EDA: variants seen among roughly 807,000 people sequenced by gnomAD.
The protein encoded by EDA is ectodysplasin-A.
Under a neutral mutation model 23.6 loss-of-function variants are expected in EDA, and 2 were observed. The ratio of observed to expected loss-of-function variants is 0.08; its 90% CI spans 0.03 to 0.27. EDA has a LOEUF of 0.27. Among genes scored for constraint, EDA ranks in the 10% least tolerant of loss-of-function variants. The pLI is 1.00. For synonymous variants in EDA, 131 were observed against 132.0 expected, an observed-to-expected ratio of 0.99 and a Z score of 0.05; for missense variants, 229 against 324.2, an observed-to-expected ratio of 0.71 and a Z score of 2.26.
Position 70,035,535 on chromosome X carries a change from G to A in EDA, c.1102G>A (p.Asp368Asn), listed in dbSNP as rs1232926219. 1 of 1,209,245 alleles carries A rather than the reference G, an allele frequency of 8.3e-7. No individual in the cohort carries two copies. Among genetic ancestry groups the A allele is most frequent in the East Asian group, 3.0e-5 (1 of 33,754 alleles). ...GATCGCCGTCAAGATGGTGCACGCT[G>A]ACATCTCCATCAACATGAGCAAGCA... ...QKIAVKMVHA[D>N]ISINMSKHTT... The change falls in exon 8 of 8, where the codon GAC (aspartate) becomes AAC (asparagine). Residue 368 changes from aspartate (D) to asparagine (N), a missense_variant. By Grantham distance (23) the Asp-to-Asn change is conservative. Transcript: ENST00000374552.
intron 1 of EDA, among the ~76,000 whole-genome samples, chrX:69,736,293 G>A (rs1267821760): frequency 4.5e-5 from 5 of 110,778 alleles, no homozygotes; most frequent in East Asian, 5.8e-4. Flanking sequence ...CAACAAGAGC[G>A]AAACTCCGTC....
rs771661214 is a variant in EDA at position 69,981,393 on chromosome X, G to GT, written c.502+24268dup. On this transcript the variant is annotated intron_variant, in intron 2 of 7. Coordinates refer to ENST00000374552, the MANE Select transcript of EDA (RefSeq NM_001399.5). The stretch of plus-strand genomic sequence containing the variant: ...TGCATTGCAAACTTTTTTATTTTTT[G>GT]TTTTTTTCTCACTTTTAGCATCTTG... Among the ~76,000 whole-genome samples, 714 of 111,133 alleles carry GT rather than the reference G, an allele frequency of 6.4e-3. 1 individual carries two copies. Among genetic ancestry groups the GT allele is most frequent in the African/African-American group, 0.012 (363 of 30,616 alleles).
At chrX:69,964,943 G>A (rs764111778) in intron 2 of EDA, among the ~76,000 whole-genome samples, 1 of 111,998 alleles carries the variant, frequency 8.9e-6, no homozygotes, top group African/African-American at 3.2e-5. Flanking sequence ...CAAACTAGTT[G>A]TTAAATCAAT....
intron 1 of EDA, among the ~76,000 whole-genome samples, chrX:69,720,997 G>A (rs1336903908): frequency 8.0e-5 from 9 of 111,841 alleles, no homozygotes; most frequent in Non-Finnish European, 1.3e-4. Flanking sequence ...TTTTATTTTA[G>A]CAGTCACCTT....
At chrX:69,850,955 TC>T (rs778321033) in intron 1 of EDA, among the ~76,000 whole-genome samples, 1 of 112,195 alleles carries the variant, frequency 8.9e-6, no homozygotes, top group South Asian at 3.7e-4. Context: ...TATTTGTGCC[TC>T]CACTGCTTCC....
At chrX:69,973,994 A>T (rs1413167384) in intron 2 of EDA, among the ~76,000 whole-genome samples, 2 of 109,626 alleles carry the variant, frequency 1.8e-5, no homozygotes, top group African/African-American at 6.6e-5. Context: ...TAGCATAATA[A>T]CCTTTGTAAG....
chrX:69,900,253 C>T (rs1195750888), intron 1 of EDA, among the ~76,000 whole-genome samples: 2 of 109,013 alleles, frequency 1.8e-5, no homozygotes, highest in Non-Finnish European at 3.8e-5. Context: ...CAAATCCAAA[C>T]TCTACTACTG....
intron 1 of EDA, among the ~76,000 whole-genome samples, chrX:69,852,666 T>G (rs1355814086): frequency 9.0e-6 from 1 of 111,111 alleles, no homozygotes; most frequent in Non-Finnish European, 1.9e-5. Context: ...AGCCAAGATT[T>G]CCAAAGGGTC....
In EDA at chrX:70,035,643, C is replaced by T. The variant is rs73634805; in HGVS notation, c.*34C>T. On this transcript the variant is annotated 3_prime_UTR_variant, in exon 8 of 8. Coordinates refer to ENST00000374552, the MANE Select transcript of EDA (RefSeq NM_001399.5). ...CATTTTGCCTCTGTCCGTGCCCCTT[C>T]CCTGGGTTTGGGAGCCAGGACTCCC... is the stretch of plus-strand genomic sequence containing the variant. The T allele has an allele frequency of 7.8e-3, 9,403 of 1,199,972 alleles. 466 individuals are homozygous for T. The African/African-American group carries it at 0.15, about 19-fold the overall frequency.
At chrX:69,992,795 C>G (rs982336323) in intron 2 of EDA, among the ~76,000 whole-genome samples, 1 of 112,114 alleles carries the variant, frequency 8.9e-6, no homozygotes, top group African/African-American at 3.2e-5. Flanking sequence ...CACATTTTCA[C>G]CAAAATTTGT....
intron 2 of EDA, among the ~76,000 whole-genome samples, chrX:70,002,384 A>G (rs138135212): frequency 0.012 from 1,300 of 110,396 alleles, 19 homozygotes; most frequent in African/African-American, 0.041. Context: ...GCATATATCT[A>G]AAGGGATCAA....
At chrX:69,688,137 T>G (rs910027791) in intron 1 of EDA, among the ~76,000 whole-genome samples, 1 of 111,584 alleles carries the variant, frequency 9.0e-6, no homozygotes, top group African/African-American at 3.3e-5. Context: ...CTTGAGGGAT[T>G]TGGTTGAGAC....
intron 1 of EDA, among the ~76,000 whole-genome samples, chrX:69,804,887 T>C: frequency 8.9e-6 from 1 of 112,183 alleles, no homozygotes; most frequent in South Asian, 3.7e-4. Flanking sequence ...TGGAGCCATG[T>C]TATAACATTG....
At chrX:70,007,810 A>G (rs2019823748) in intron 2 of EDA, among the ~76,000 whole-genome samples, 1 of 111,066 alleles carries the variant, frequency 9.0e-6, no homozygotes, top group African/African-American at 3.3e-5. Context: ...GAAGTTTTGT[A>G]TTTTTCCTCA....
chrX:69,637,955 T>G (rs1282706302), intron 1 of EDA, among the ~76,000 whole-genome samples: 1 of 111,041 alleles, frequency 9.0e-6, no homozygotes, highest in Non-Finnish European at 1.9e-5. Context: ...GAAAAAAGGT[T>G]GCCAATAGTG....
At chrX:69,755,851 G>A (rs897647594) in intron 1 of EDA, among the ~76,000 whole-genome samples, 1 of 112,727 alleles carries the variant, frequency 8.9e-6, no homozygotes, top group Non-Finnish European at 1.9e-5. Flanking sequence ...GTGGGCATGG[G>A]ACCCTCCGAG....
At chrX:69,938,703 T>C (rs928773857) in intron 1 of EDA, among the ~76,000 whole-genome samples, 1 of 112,151 alleles carries the variant, frequency 8.9e-6, no homozygotes, top group Non-Finnish European at 1.9e-5. Context: ...GTTCCCTCAA[T>C]TTTTTTCTAT....
intron 1 of EDA, among the ~76,000 whole-genome samples, chrX:69,894,987 G>C (rs2017989869): frequency 9.0e-6 from 1 of 111,136 alleles, no homozygotes; most frequent in Non-Finnish European, 1.9e-5. Flanking sequence ...GTCTTGTTCT[G>C]GTTTTCAAGG....
chrX:69,722,426 T>G (rs977069049), intron 1 of EDA, among the ~76,000 whole-genome samples: 1 of 110,617 alleles, frequency 9.0e-6, no homozygotes, highest in African/African-American at 3.3e-5. Context: ...CAGGATGGTC[T>G]CGATCTCCTG....
Sources: allele counts gnomAD v4.1 joint callset (sites outside exome capture counted in the v4.1 genomes callset), GRCh38; gene constraint gnomAD v4.1.1; transcripts MANE v1.5; gene names NCBI Gene and HGNC (gene_info 2026-07-23, HGNC 2026-07-21).